The following CNTN4 variants were observed in gnomAD, a reference collection of about 807,000 sequenced individuals.
The protein encoded by CNTN4 is contactin-4.
CNTN4 carries 77 observed loss-of-function variants against 122.5 expected under a neutral mutation model. The observed-to-expected ratio is 0.63, with a 90% CI of 0.52 to 0.76. The LOEUF (loss-of-function observed/expected upper bound fraction) is 0.76. Among genes scored for constraint, CNTN4 ranks in the 30% least tolerant of loss-of-function variants. The pLI is 0.00. For missense variants in CNTN4, 1,256 were observed against 1,259.1 expected (o/e 1.00, Z 0.04); for synonymous variants, 512 against 447.0 (o/e 1.15, Z -1.83).
chr3:2,319,624 C>A (rs1450385903), intron 2 of CNTN4, among the ~76,000 whole-genome samples: 1 of 152,044 alleles, frequency 6.6e-6, no homozygotes, highest in Non-Finnish European at 1.5e-5. Flanking sequence ...TTATGATTTT[C>A]TTAATAACAT....
chr3:2,727,096 T>C (rs1295853306), intron 4 of CNTN4, among the ~76,000 whole-genome samples: 1 of 152,216 alleles, frequency 6.6e-6, no homozygotes, highest in Non-Finnish European at 1.5e-5. Context: ...CACACGGTTA[T>C]GTCGCCTCCA....
intron 6 of CNTN4, among the ~76,000 whole-genome samples, chr3:2,797,941 T>C (rs2092241341): frequency 7.0e-6 from 1 of 143,372 alleles, no homozygotes; most frequent in Non-Finnish European, 1.6e-5. Context: ...TTTTTTGGTA[T>C]AAATTTAGAA....
At chr3:2,684,815 A>G (rs962136336) in intron 4 of CNTN4, among the ~76,000 whole-genome samples, 1 of 152,188 alleles carries the variant, frequency 6.6e-6, no homozygotes, top group Non-Finnish European at 1.5e-5. Flanking sequence ...TGTAATCTGT[A>G]TGAACATCTC....
chr3:2,150,962 C>CG (rs1372740141), intron 2 of CNTN4, among the ~76,000 whole-genome samples: 2 of 151,936 alleles, frequency 1.3e-5, no homozygotes, highest in Non-Finnish European at 1.5e-5. Flanking sequence ...ACTGGTCCAC[C>CG]GGGAACTATC....
At chr3:2,308,019 C>G (rs1300871345) in intron 2 of CNTN4, among the ~76,000 whole-genome samples, 1 of 152,042 alleles carries the variant, frequency 6.6e-6, no homozygotes, top group African/African-American at 2.4e-5. Flanking sequence ...ACCGGTGAAG[C>G]CTTCTGCTCA....
intron 2 of CNTN4, among the ~76,000 whole-genome samples, chr3:2,195,040 C>G (rs1359668609): frequency 1.3e-5 from 2 of 152,028 alleles, no homozygotes; most frequent in Non-Finnish European, 1.5e-5. Context: ...CTATCTGAGA[C>G]TTTATATCCT....
chr3:2,600,095 G>A (rs570070394), intron 4 of CNTN4, among the ~76,000 whole-genome samples: 1 of 107,784 alleles, frequency 9.3e-6, no homozygotes, highest in Admixed American at 1.2e-4. Context: ...TAAACATTCA[G>A]TATTTTTTTA....
chr3:2,407,360 C>G (rs2047075639), intron 3 of CNTN4, among the ~76,000 whole-genome samples: 1 of 152,008 alleles, frequency 6.6e-6, no homozygotes, highest in African/African-American at 2.4e-5. Flanking sequence ...TGACATACTT[C>G]TAGGTTTTTA....
intron 2 of CNTN4, among the ~76,000 whole-genome samples, chr3:2,338,470 G>A (rs2044047997): frequency 6.6e-6 from 1 of 151,744 alleles, no homozygotes; most frequent in Non-Finnish European, 1.5e-5. Context: ...TTTATTTTCA[G>A]TTATTAAAAC....
At chr3:3,001,390 G>T (rs1326447217) in intron 14 of CNTN4, among the ~76,000 whole-genome samples, 1 of 151,422 alleles carries the variant, frequency 6.6e-6, no homozygotes, top group Non-Finnish European at 1.5e-5. Context: ...TGGATAAGGA[G>T]TGAGTAAGAG....
chr3:3,008,938 G>C (rs1696911246), intron 14 of CNTN4: 12 of 985,286 alleles, frequency 1.2e-5, no homozygotes, highest in Non-Finnish European at 1.4e-5. Flanking sequence ...TCCAAAAGAA[G>C]GGCGCCAAAC....
intron 23 of CNTN4, among the ~76,000 whole-genome samples, chr3:3,049,895 G>T (rs1049582249): frequency 2.0e-5 from 3 of 152,226 alleles, no homozygotes; most frequent in African/African-American, 7.2e-5. Flanking sequence ...GTTGTTGGCA[G>T]ACAGGAATAT....
intron 4 of CNTN4, among the ~76,000 whole-genome samples, chr3:2,619,980 C>T (rs1284439971): frequency 6.9e-6 from 1 of 145,866 alleles, no homozygotes; most frequent in Admixed American, 7.1e-5. Flanking sequence ...TTTCCCCTGG[C>T]ATAAATGAAA....
chr3:2,391,918 T>C (rs1246243976), intron 3 of CNTN4, among the ~76,000 whole-genome samples: 1 of 152,178 alleles, frequency 6.6e-6, no homozygotes, highest in African/African-American at 2.4e-5. Flanking sequence ...TCCAGTCTAC[T>C]CTTTAAATGG....
At chr3:2,315,183 A>C (rs890543717) in intron 2 of CNTN4, among the ~76,000 whole-genome samples, 3 of 151,280 alleles carry the variant, frequency 2.0e-5, no homozygotes, top group African/African-American at 7.3e-5. Context: ...AAAGTTAGTC[A>C]ATATCATTGA....
At chr3:2,400,404 A>AATATATATATATATATATATATATATAC (rs36082705) in intron 3 of CNTN4, among the ~76,000 whole-genome samples, 2 of 91,438 alleles carry the variant, frequency 2.2e-5, no homozygotes, top group Non-Finnish European at 4.8e-5. Context: ...TATGTGTGTG[A>AATATATATATATATATATATATATATAC]ATATATATAT....
chr3:2,128,431 G>C (rs2034288359), intron 2 of CNTN4, among the ~76,000 whole-genome samples: 1 of 152,186 alleles, frequency 6.6e-6, no homozygotes, highest in Non-Finnish European at 1.5e-5. Flanking sequence ...CTGATGAATA[G>C]GGTGAGGCTT....
intron 4 of CNTN4, among the ~76,000 whole-genome samples, chr3:2,584,856 T>G (rs1377748990): frequency 6.6e-6 from 1 of 152,026 alleles, no homozygotes; most frequent in Non-Finnish European, 1.5e-5. Flanking sequence ...AACTGTATCT[T>G]GTTCTCTACA....
At chr3:2,280,315 A>G (rs1436352055) in intron 2 of CNTN4, among the ~76,000 whole-genome samples, 4 of 152,186 alleles carry the variant, frequency 2.6e-5, no homozygotes, top group Non-Finnish European at 4.4e-5. Flanking sequence ...GATTAAAAGT[A>G]TATTTTGAGA....
Sources: gnomAD v4.1 joint callset for allele counts (sites outside exome capture counted in the v4.1 genomes callset) on GRCh38, gnomAD v4.1.1 for gene constraint, MANE v1.5 for transcripts, NCBI Gene and HGNC (gene_info 2026-07-23, HGNC 2026-07-21) for gene names.